DROSHA: variants seen among roughly 807,000 people sequenced by gnomAD.
DROSHA encodes the protein drosha ribonuclease III, also known as ribonuclease 3.
A neutral mutation model predicts 181.9 loss-of-function variants in DROSHA; 56 were observed. The observed-to-expected ratio is 0.31, with a 90% confidence interval of 0.25 to 0.38. The LOEUF (loss-of-function observed/expected upper bound fraction) is 0.38. Ranked by LOEUF, DROSHA falls within the 10% of genes least tolerant of loss-of-function variation. The probability of loss-of-function intolerance (pLI) is 1.00; values close to 1 mark genes in which losing one functional copy is unlikely to be tolerated. For missense variants in DROSHA, 1,218 were observed against 1,743.5 expected (o/e 0.70, Z 5.37); for synonymous variants, 524 against 591.2 (o/e 0.89, Z 1.65).
intron 28 of DROSHA, 109 bp from the exon 29 acceptor site, chr5:31,423,053 A>C (rs1717321298): frequency 9.4e-7 from 1 of 1,069,148 alleles, no homozygotes; most frequent in Admixed American, 3.4e-5. Context: ...ATGAGCAGAA[A>C]TTTCTGAAAT....
chr5:31,489,297 A>G (rs1053104311), intron 13 of DROSHA, among the ~76,000 whole-genome samples: 2 of 152,246 alleles, frequency 1.3e-5, no homozygotes, highest in African/African-American at 4.8e-5. Flanking sequence ...ACTCTGCTAG[A>G]TGATTTATGC....
At chr5:31,502,959 G>C (rs1280021388) in intron 11 of DROSHA, among the ~76,000 whole-genome samples, 1 of 152,156 alleles carries the variant, frequency 6.6e-6, no homozygotes, top group Non-Finnish European at 1.5e-5. Context: ...ATGCTTGCTG[G>C]TCAGGGGCCT....
At chr5:31,525,006 C>T (rs1240023560) in intron 5 of DROSHA, among the ~76,000 whole-genome samples, 1 of 151,916 alleles carries the variant, frequency 6.6e-6, no homozygotes, top group Middle Eastern at 3.2e-3. Context: ...ACCAGCCTGG[C>T]CAACATGGTA....
At chr5:31,509,499 G>A (rs537287882) in intron 9 of DROSHA, among the ~76,000 whole-genome samples, 27 of 152,332 alleles carry the variant, frequency 1.8e-4, no homozygotes, top group African/African-American at 6.5e-4. Context: ...CAGGATGGGA[G>A]AAGCATGATA....
At chr5:31,461,934 A>G (rs1748454038) in intron 20 of DROSHA, among the ~76,000 whole-genome samples, 1 of 152,172 alleles carries the variant, frequency 6.6e-6, no homozygotes, top group Admixed American at 6.6e-5. Context: ...ATGTCAAAAT[A>G]AACAGATACT....
intron 19 of DROSHA, among the ~76,000 whole-genome samples, chr5:31,465,063 T>C (rs569815692): frequency 1.6e-4 from 25 of 152,074 alleles, no homozygotes; most frequent in Admixed American, 7.9e-4. Context: ...ACCTTTTTCC[T>C]TGAGTGCACC....
chr5:31,521,156 C>G lies in DROSHA; in HGVS notation c.914G>C (p.Arg305Thr), dbSNP rs1184774985. 1.9e-6 allele frequency: 3 copies of G among 1,613,632 alleles called. No individual in the cohort carries two copies. In the South Asian group the frequency reaches 3.3e-5, roughly 18 times the overall value. The change falls in exon 6 of 36, where the codon AGG becomes ACG. Residue 305 changes from arginine to threonine, a missense_variant. Arg to Thr is a moderately conservative substitution (Grantham distance 71). This residue lies in a region of DROSHA where 536 missense variants were observed against 535.4 expected (regional missense o/e 1.00). Coordinates refer to ENST00000344624, the MANE Select transcript of DROSHA (RefSeq NM_001382508.1). ...TCTCTTATACTCTTTTTTGTAGGAC[C>G]TTTCCAGAGATGGTGATCTTCGGTT... ...RDNRRSPSLE[R>T]SYKKEYKRSG...
At chr5:31,515,653 A>T in intron 6 of DROSHA, 89 bp from the exon 7 acceptor site, 1 of 1,498,840 alleles carries the variant, frequency 6.7e-7, no homozygotes, top group Non-Finnish European at 9.0e-7. Flanking sequence ...AATCCTCCAC[A>T]TCTGTCTTTG....
intron 16 of DROSHA, among the ~76,000 whole-genome samples, chr5:31,472,576 C>G (rs578192476): frequency 6.6e-6 from 1 of 152,076 alleles, no homozygotes; most frequent in East Asian, 1.9e-4. Flanking sequence ...TATACAGAAC[C>G]ATGTTAGGTC....
At chr5:31,417,887 T>A (rs1304649615) in intron 30 of DROSHA, among the ~76,000 whole-genome samples, 1 of 151,868 alleles carries the variant, frequency 6.6e-6, no homozygotes, top group Non-Finnish European at 1.5e-5. Context: ...GGGGCATGAG[T>A]TGACATAGGA....
chr5:31,495,445 C>G, intron 11 of DROSHA, 73 bp from the exon 12 acceptor site: 1 of 1,359,656 alleles, frequency 7.4e-7, no homozygotes, highest in Middle Eastern at 1.8e-4. Context: ...TATTGTATTT[C>G]CTAGATTCAC....
At position 31,467,995 on chromosome 5, in the gene DROSHA, C is replaced by T. The variant is rs759781794; in HGVS notation, c.2310G>A (p.Pro770=). ...GGCGTATCCCAAAGTGGACGATAATCGGAAAAGTAATCACATCGGGGTTGA... is the reference window on the plus strand; with the variant it reads ...GGCGTATCCCAAAGTGGACGATAATTGGAAAAGTAATCACATCGGGGTTGA... ...EQFNPDVITF[P]IIVHFGIRPA... is the part of the protein sequence containing the mutation. Residue 770 remains proline (P), a synonymous_variant, in exon 18 of 36, where the codon CCG becomes CCA. Transcript: ENST00000344624. 15 of 1,611,716 alleles carry T rather than the reference C, an allele frequency of 9.3e-6. No individual in the cohort carries two copies. Among genetic ancestry groups the T allele is most frequent in the Non-Finnish European group, 1.3e-5 (15 of 1,179,006 alleles).
intron 30 of DROSHA, 46 bp from the exon 31 acceptor site, chr5:31,410,933 G>T: frequency 6.2e-7 from 1 of 1,608,816 alleles, no homozygotes; most frequent in South Asian, 1.1e-5. Flanking sequence ...TTTCACTTTT[G>T]ACCTCTCTTA....
Position 31,424,486 on chromosome 5 carries a change from G to A in DROSHA, c.3217-15C>T, listed in dbSNP as rs946918895. 5.7e-6 allele frequency: 9 copies of A among 1,586,096 alleles called. No homozygotes were observed. The Middle Eastern group carries it at 5.0e-4, about 88-fold the overall frequency. Reference sequence around the variant, plus strand: ...TCGCGCAGGTCCTGGAAAATGGAGTGATGCCTTTAATGCTCAAGGGAGCCA... The same window carrying A: ...TCGCGCAGGTCCTGGAAAATGGAGTAATGCCTTTAATGCTCAAGGGAGCCA... On this transcript the variant is annotated splice_polypyrimidine_tract_variant and intron_variant, in intron 27 of 35. Transcript: ENST00000344624.
rs1174130650 is a variant in DROSHA at position 31,526,216 on chromosome 5, C to T, written c.717G>A (p.Gly239=). Residue 239 remains glycine (G), a synonymous_variant, in exon 5 of 36, where the codon GGG becomes GGA. Coordinates refer to ENST00000344624, the MANE Select transcript of DROSHA (RefSeq NM_001382508.1). ...CCAGGGACCGATGCCTCTCACCTCG[C>T]CCATGACTGTGATCTCGGTGCCTGT... is the stretch of plus-strand genomic sequence containing the variant. ...DDHRHRDHSH[G]RGERHRSLDR... 2 of 1,613,930 alleles carry T rather than the reference C, an allele frequency of 1.2e-6. No homozygotes were observed. The highest frequency in any genetic ancestry group is 8.5e-7 in the Non-Finnish European group (1 of 1,179,876).
At chr5:31,468,223 C>G (rs1749315893) in intron 17 of DROSHA, among the ~76,000 whole-genome samples, 160 bp from the exon 18 acceptor site, 2 of 152,220 alleles carry the variant, frequency 1.3e-5, no homozygotes, top group East Asian at 1.9e-4. Context: ...GCTATACTAT[C>G]TAAAAACTAT....
chr5:31,461,800 G>A (rs1240839805), intron 20 of DROSHA, among the ~76,000 whole-genome samples: 2 of 149,556 alleles, frequency 1.3e-5, no homozygotes, highest in Non-Finnish European at 3.0e-5. Flanking sequence ...GGTTGCTCCC[G>A]TGTCATGAAT....
chr5:31,423,245 A>G (rs536239621), intron 28 of DROSHA: 1 of 180,102 alleles, frequency 5.6e-6, no homozygotes, highest in African/African-American at 2.4e-5. Context: ...GCTGAAGAAC[A>G]GCTGGTAGAA....
chr5:31,429,365 TCTGA>T, intron 27 of DROSHA, 106 bp downstream of exon 27: 1 of 994,138 alleles, frequency 1.0e-6, no homozygotes. Flanking sequence ...CTATGGTAGA[TCTGA>T]CTATTTTGTT....
Sources: allele counts gnomAD v4.1 joint callset (sites outside exome capture counted in the v4.1 genomes callset), GRCh38; gene constraint gnomAD v4.1.1; regional missense constraint gnomAD v4.1.1; transcripts MANE v1.5; gene names NCBI Gene and HGNC (gene_info 2026-07-23, HGNC 2026-07-21).